The following PRKCA variants were observed in gnomAD, a reference collection of about 807,000 sequenced individuals.
PRKCA encodes the protein protein kinase C alpha.
In PRKCA, 27 loss-of-function variants were observed where a neutral mutation model predicts 87.0. The observed-to-expected ratio is 0.31, with a 90% confidence interval of 0.23 to 0.43. The LOEUF is 0.43. Ranked by LOEUF, PRKCA falls within the 20% of genes least tolerant of loss-of-function variation. PRKCA has a pLI of 1.00. For missense variants in PRKCA, 518 were observed against 852.3 expected (o/e 0.61, Z 4.88); for synonymous variants, 329 against 311.1 (o/e 1.06, Z -0.61).
Position 66,532,173 on chromosome 17 carries a change from C to T in PRKCA, c.288+35890C>T, listed in dbSNP as rs562574909. On this transcript the variant is annotated intron_variant, in intron 3 of 16. Coordinates refer to ENST00000413366, the MANE Select transcript of PRKCA (RefSeq NM_002737.3). The stretch of plus-strand genomic sequence containing the variant: ...GTAAAATTAAAAAAAAAAAAAAGAA[C>T]AACCTTGAGTCCCTTGAGTCTGTCC... 2.0e-4 allele frequency among the ~76,000 whole-genome samples: 30 copies of T among 149,996 alleles called. No homozygotes were observed. In the South Asian group the frequency reaches 4.9e-3, roughly 24 times the overall value.
At chr17:66,650,357 G>GTT (rs61166214) in intron 5 of PRKCA, among the ~76,000 whole-genome samples, 7 of 150,528 alleles carry the variant, frequency 4.7e-5, no homozygotes, top group African/African-American at 9.8e-5. Context: ...TGGTGTCGGG[G>GTT]TTTTTTTTTC....
chr17:66,365,020 A>G (rs190866654), intron 2 of PRKCA, among the ~76,000 whole-genome samples: 1 of 152,248 alleles, frequency 6.6e-6, no homozygotes, highest in Admixed American at 6.5e-5. Context: ...CCAAAGGTCT[A>G]TCTGTAAGAA....
chr17:66,470,190 CTTTTTTTTTTTTT>C (rs546468555), intron 2 of PRKCA, among the ~76,000 whole-genome samples: 1 of 101,480 alleles, frequency 9.9e-6, no homozygotes, highest in Non-Finnish European at 1.9e-5. Flanking sequence ...AACCAGTTTG[CTTTTTTTTTTTTT>C]TTTTTTTTTA....
intron 3 of PRKCA, among the ~76,000 whole-genome samples, chr17:66,594,611 G>GGT (rs1555624242): frequency 3.2e-4 from 48 of 151,386 alleles, no homozygotes; most frequent in Middle Eastern, 3.4e-3. Context: ...CAACATGTGG[G>GGT]TTTTTTTTTA....
intron 8 of PRKCA, among the ~76,000 whole-genome samples, chr17:66,709,518 A>T (rs553391062): frequency 2.6e-5 from 4 of 151,932 alleles, no homozygotes; most frequent in African/African-American, 9.7e-5. Context: ...CATGCTGGCC[A>T]GGCTGGTCTT....
chr17:66,752,450 G>A (rs1375750395), intron 13 of PRKCA, among the ~76,000 whole-genome samples: 2 of 152,134 alleles, frequency 1.3e-5, no homozygotes, highest in Non-Finnish European at 2.9e-5. Context: ...CAAAAAATTA[G>A]CTGGGTGTGG....
Position 66,809,576 on chromosome 17 carries a change from A to G in PRKCA, c.*5539A>G, listed in dbSNP as rs906764329. ...TGCCCTGGAGCTTGTAGGAGGACTTAGCCTGGGTCAGCTGGAGCACCCCCG... is the reference window on the plus strand; with the variant it reads ...TGCCCTGGAGCTTGTAGGAGGACTTGGCCTGGGTCAGCTGGAGCACCCCCG... On this transcript the variant is annotated 3_prime_UTR_variant, in exon 17 of 17. Coordinates refer to ENST00000413366, the MANE Select transcript of PRKCA (RefSeq NM_002737.3). The G allele has an allele frequency of 5.3e-5, 8 of 152,146 alleles. No homozygotes were observed. The highest frequency in any genetic ancestry group is 1.5e-5 in the Non-Finnish European group (1 of 68,024). 9.4% of individuals were successfully genotyped at this position (152,146 alleles called of 1,614,324 possible).
intron 3 of PRKCA, among the ~76,000 whole-genome samples, chr17:66,579,884 C>T (rs772304829): frequency 5.3e-5 from 8 of 151,970 alleles, no homozygotes; most frequent in Non-Finnish European, 1.0e-4. Context: ...AAAAAAAAAT[C>T]GGGGGTTGGA....
At chr17:66,706,364 G>A (rs557965343) in intron 8 of PRKCA, among the ~76,000 whole-genome samples, 73 of 152,122 alleles carry the variant, frequency 4.8e-4, no homozygotes, top group Non-Finnish European at 9.1e-4. Flanking sequence ...GGCTGGGTGC[G>A]GTGGCTCACG....
chr17:66,782,980 G>A lies in PRKCA; in HGVS notation c.1606-3887G>A, dbSNP rs553223993. Among the ~76,000 whole-genome samples the A allele has an allele frequency of 4.6e-4, 70 of 152,304 alleles. 1 individual carries two copies. In the South Asian group the frequency reaches 7.0e-3, roughly 15 times the overall value. On this transcript the variant is annotated intron_variant, in intron 14 of 16. Transcript: ENST00000413366. Reference sequence around the variant, plus strand: ...TGCAGAGAGAGGCTGAGAAATGAACGCCACTGTGGTCACTTTCGCTGCTCC... The same window carrying A: ...TGCAGAGAGAGGCTGAGAAATGAACACCACTGTGGTCACTTTCGCTGCTCC...
intron 13 of PRKCA, among the ~76,000 whole-genome samples, chr17:66,767,737 G>A (rs1974842875): frequency 1.3e-5 from 2 of 150,814 alleles, no homozygotes; most frequent in South Asian, 4.2e-4. Flanking sequence ...AGGCAAATGG[G>A]CTTTTAATTG....
intron 2 of PRKCA, among the ~76,000 whole-genome samples, chr17:66,326,705 G>C (rs994321319): frequency 5.9e-5 from 9 of 152,046 alleles, no homozygotes; most frequent in Admixed American, 5.9e-4. Flanking sequence ...GGTGTAGTCT[G>C]GGTACAGACT....
intron 3 of PRKCA, among the ~76,000 whole-genome samples, chr17:66,561,401 G>A (rs1282437075): frequency 2.0e-5 from 3 of 152,174 alleles, no homozygotes; most frequent in Non-Finnish European, 4.4e-5. Context: ...TTTTACCCTT[G>A]AAGCCGGGTT....
chr17:66,332,229 CT>C (rs59302970), intron 2 of PRKCA, among the ~76,000 whole-genome samples: 15,937 of 129,700 alleles, frequency 0.12, 999 homozygotes, highest in East Asian at 0.24. Context: ...TTCCTTCCTT[CT>C]TTTTTTTTTT....
intron 2 of PRKCA, among the ~76,000 whole-genome samples, chr17:66,486,591 CT>C (rs1915996892): frequency 6.6e-6 from 1 of 152,142 alleles, no homozygotes; most frequent in Non-Finnish European, 1.5e-5. Context: ...CAGCCTCGTC[CT>C]TTCTACCATC....
At position 66,803,831 on chromosome 17, in the gene PRKCA, C is replaced by T; in HGVS notation, c.1855-42C>T. The T allele has an allele frequency of 6.2e-7, 1 of 1,604,384 alleles. No homozygotes were observed. Among genetic ancestry groups the T allele is most frequent in the Non-Finnish European group, 8.5e-7 (1 of 1,173,672 alleles). On this transcript the variant is annotated intron_variant, in intron 16 of 16. Transcript: ENST00000413366. The surrounding 1 kb of genome is among the most constrained non-coding windows in gnomAD (Gnocchi z 4.4). ...CCTCGGAGAGCTGCTCCCGCATTGT[C>T]ATGTTGACTGACCTTTCCTTCTTTT...
intron 3 of PRKCA, among the ~76,000 whole-genome samples, chr17:66,582,408 G>A (rs1327880355): frequency 6.6e-6 from 1 of 152,164 alleles, no homozygotes; most frequent in Admixed American, 6.5e-5. Context: ...CAAGGGTGGT[G>A]CCAGGTGGAG....
At chr17:66,321,546 C>G (rs1905660316) in intron 2 of PRKCA, among the ~76,000 whole-genome samples, 1 of 152,078 alleles carries the variant, frequency 6.6e-6, no homozygotes, top group Non-Finnish European at 1.5e-5. Context: ...ATTTAGCTCA[C>G]TTTTTAAAAA....
chr17:66,319,969 C>T (rs1418664637), intron 2 of PRKCA, among the ~76,000 whole-genome samples: 3 of 152,058 alleles, frequency 2.0e-5, no homozygotes, highest in Admixed American at 2.0e-4. Flanking sequence ...GTCTTGAACA[C>T]CTGACCTCAA....
Sources: gnomAD v4.1 joint callset for allele counts (sites outside exome capture counted in the v4.1 genomes callset) on GRCh38, gnomAD v4.1.1 for gene constraint, Gnocchi (gnomAD v3.1) non-coding constraint, MANE v1.5 for transcripts, NCBI Gene and HGNC (gene_info 2026-07-23, HGNC 2026-07-21) for gene names.